RBMS3: variants seen among roughly 807,000 people sequenced by gnomAD.
RBMS3 encodes the protein RNA binding motif single stranded interacting protein 3.
Under a neutral mutation model 66.8 loss-of-function variants are expected in RBMS3, and 27 were observed. That is an observed-to-expected ratio of 0.40 (90% CI 0.30 to 0.56). The LOEUF is 0.56. Ranked by LOEUF, RBMS3 falls within the 20% of genes least tolerant of loss-of-function variation. The pLI is 0.40. For missense variants in RBMS3, 513 were observed against 549.5 expected (o/e 0.93, Z 0.66); for synonymous variants, 188 against 183.0 (o/e 1.03, Z -0.22).
chr3:29,705,193 C>T, intron 4 of RBMS3, among the ~76,000 whole-genome samples: 1 of 152,180 alleles, frequency 6.6e-6, no homozygotes, highest in East Asian at 1.9e-4. Flanking sequence ...GTTGAAAGAC[C>T]TTCCAGCATT....
At chr3:29,665,475 C>T (rs1238054667) in intron 4 of RBMS3, among the ~76,000 whole-genome samples, 3 of 152,112 alleles carry the variant, frequency 2.0e-5, no homozygotes. Context: ...TTCCTCCTCC[C>T]CTTTCCAAAC....
At chr3:29,702,691 C>G (rs111671143) in intron 4 of RBMS3, among the ~76,000 whole-genome samples, 11,294 of 152,092 alleles carry the variant, frequency 0.074, 1,390 homozygotes, top group African/African-American at 0.26. Flanking sequence ...ATGAGAGGAA[C>G]GAACAACTCC....
chr3:29,878,899 T>G (rs1485268416), intron 7 of RBMS3, among the ~76,000 whole-genome samples: 1 of 151,868 alleles, frequency 6.6e-6, no homozygotes, highest in Admixed American at 6.6e-5. Flanking sequence ...TTAAATAAAA[T>G]TAGCTGGGCT....
intron 6 of RBMS3, among the ~76,000 whole-genome samples, chr3:29,856,198 T>A (rs1338833985): frequency 1.3e-5 from 2 of 152,208 alleles, no homozygotes; most frequent in African/African-American, 4.8e-5. Context: ...ATGTTCCCAA[T>A]GAATTTTGAA....
At chr3:29,552,693 A>G (rs2046216292) in intron 3 of RBMS3, among the ~76,000 whole-genome samples, 1 of 152,166 alleles carries the variant, frequency 6.6e-6, no homozygotes, top group Non-Finnish European at 1.5e-5. Flanking sequence ...AAATATAATC[A>G]CAATGCTCAA....
intron 7 of RBMS3, chr3:29,880,704 A>G (rs1197789569): frequency 7.3e-7 from 1 of 1,368,432 alleles, no homozygotes; most frequent in East Asian, 2.5e-5. Context: ...TGCTTAACCC[A>G]TGCCATGTTG....
chr3:29,826,895 G>T (rs1245861738), intron 6 of RBMS3, among the ~76,000 whole-genome samples: 1 of 152,124 alleles, frequency 6.6e-6, no homozygotes, highest in Non-Finnish European at 1.5e-5. Flanking sequence ...AATTGTAAAT[G>T]ATAAAATGAT....
At chr3:29,771,586 T>C (rs1303368461) in intron 6 of RBMS3, among the ~76,000 whole-genome samples, 2 of 152,070 alleles carry the variant, frequency 1.3e-5, no homozygotes, top group Admixed American at 1.3e-4. Flanking sequence ...GAATTAAGGT[T>C]GCTAATAAAC....
At chr3:29,349,420 C>G (rs2036773249) in intron 1 of RBMS3, among the ~76,000 whole-genome samples, 1 of 152,200 alleles carries the variant, frequency 6.6e-6, no homozygotes, top group Non-Finnish European at 1.5e-5. Flanking sequence ...TCATCAGTTG[C>G]TTACTTTGTC....
At chr3:29,700,502 T>C (rs1171536555) in intron 4 of RBMS3, among the ~76,000 whole-genome samples, 1 of 152,198 alleles carries the variant, frequency 6.6e-6, no homozygotes, top group African/African-American at 2.4e-5. Context: ...CTCAGCTGGC[T>C]GGCTCTAGGA....
chr3:29,326,701 T>C (rs1164639350), intron 1 of RBMS3, among the ~76,000 whole-genome samples: 1 of 152,024 alleles, frequency 6.6e-6, no homozygotes, highest in Non-Finnish European at 1.5e-5. Context: ...TATTGGTTTA[T>C]TGAGTAATGC....
At chr3:29,555,061 A>G (rs1227662821) in intron 3 of RBMS3, among the ~76,000 whole-genome samples, 1 of 152,182 alleles carries the variant, frequency 6.6e-6, no homozygotes, top group Non-Finnish European at 1.5e-5. Context: ...TTCATAATTC[A>G]TGAGTATATA....
chr3:29,443,296 A>G (rs574418952), intron 2 of RBMS3, among the ~76,000 whole-genome samples: 136 of 152,216 alleles, frequency 8.9e-4, no homozygotes, highest in African/African-American at 3.0e-3. Context: ...TGGTCTTTTT[A>G]CTCATTTATT....
chr3:29,308,746 CAAAAAAAAACAA>C (rs1347139971), intron 1 of RBMS3, among the ~76,000 whole-genome samples: 32 of 18,802 alleles, frequency 1.7e-3, no homozygotes, highest in South Asian at 0.014. Context: ...TAAAAAAAAA[CAAAAAAAAACAA>C]AAAAAAAAAC....
chr3:29,483,761 A>T (rs1254349422), intron 2 of RBMS3, among the ~76,000 whole-genome samples: 1 of 152,244 alleles, frequency 6.6e-6, no homozygotes, highest in Admixed American at 6.5e-5. Context: ...TATAAAAATC[A>T]TTCCTCATTG....
At chr3:29,882,799 A>G (rs987049811) in intron 7 of RBMS3, among the ~76,000 whole-genome samples, 1 of 152,040 alleles carries the variant, frequency 6.6e-6, no homozygotes, top group African/African-American at 2.4e-5. Flanking sequence ...AAAAACTCAA[A>G]CAGGCAAGGT....
At chr3:29,906,133 G>T (rs759187612) in intron 10 of RBMS3, among the ~76,000 whole-genome samples, 13 of 152,150 alleles carry the variant, frequency 8.5e-5, no homozygotes, top group South Asian at 4.1e-4. Context: ...AGAGTATCAG[G>T]TTTCCGCCAT....
At chr3:29,899,875 A>G (rs1377796776) in intron 10 of RBMS3, 120 bp downstream of exon 10, 2 of 907,040 alleles carry the variant, frequency 2.2e-6, no homozygotes, top group East Asian at 5.2e-5. Flanking sequence ...AGGCAGCCAT[A>G]TTCTCCAGAT....
chr3:29,365,338 A>G (rs1482917471), intron 1 of RBMS3, among the ~76,000 whole-genome samples: 1 of 152,086 alleles, frequency 6.6e-6, no homozygotes, highest in East Asian at 1.9e-4. Context: ...ATATTCTTTA[A>G]AAAATTTTTT....
Sources: gnomAD v4.1 joint callset for allele counts (sites outside exome capture counted in the v4.1 genomes callset) on GRCh38, gnomAD v4.1.1 for gene constraint, MANE v1.5 for transcripts, NCBI Gene and HGNC (gene_info 2026-07-23, HGNC 2026-07-21) for gene names.